The following SETD5 variants were observed in gnomAD, a reference collection of about 807,000 sequenced individuals.
The protein encoded by SETD5 is SET domain containing 5.
In SETD5, 44 loss-of-function variants were observed where a neutral mutation model predicts 153.3. That is an observed-to-expected ratio of 0.29 (90% CI 0.23 to 0.37). The LOEUF is 0.37. Ranked by LOEUF, SETD5 falls within the 10% of genes least tolerant of loss-of-function variation. SETD5 has a pLI of 1.00. For synonymous variants in SETD5, 716 were observed against 645.2 expected, an observed-to-expected ratio of 1.11 and a Z score of -1.66; for missense variants, 1,544 against 1,768.0, an observed-to-expected ratio of 0.87 and a Z score of 2.27.
chr3:9,423,201 G>A (rs1387279878), intron 1 of SETD5: 1 of 152,260 alleles, frequency 6.6e-6, no homozygotes, highest in African/African-American at 2.4e-5. Context: ...AGAAGAGACT[G>A]TCAGAATGAT....
Position 9,468,938 on chromosome 3 carries a change from A to G in SETD5, c.2725-1521A>G, listed in dbSNP as rs142625731. ...TAGGAGCCTTGTTAAAGAAAGGCTA[A>G]TAAATCAGGAAAGTTGAGTCAAAAG... On this transcript the variant is annotated intron_variant, in intron 18 of 22. Coordinates refer to ENST00000402198, the MANE Select transcript of SETD5 (RefSeq NM_001080517.3). 3.8e-3 allele frequency among the ~76,000 whole-genome samples: 577 copies of G among 152,266 alleles called. 8 individuals are homozygous for G. Among genetic ancestry groups the G allele is most frequent in the African/African-American group, 0.013 (548 of 41,552 alleles).
intron 18 of SETD5, chr3:9,468,550 A>T (rs1301052795): frequency 7.7e-7 from 1 of 1,304,108 alleles, no homozygotes. Context: ...TCCCCTGCGC[A>T]TAGGCCCGAG....
Position 9,470,590 on chromosome 3 carries a change from C to G in SETD5, c.2856C>G (p.Pro952=). The G allele has an allele frequency of 6.2e-7, 1 of 1,613,992 alleles. No individual in the cohort carries two copies. Among genetic ancestry groups the G allele is most frequent in the Non-Finnish European group, 8.5e-7 (1 of 1,179,902 alleles). ...TGGCTCCTCATCCCTCCCTCGGACC[C>G]ACTTCTGAGACTGGTTTCCCAAGCA... The part of the protein sequence containing the change: ...SDLAPHPSLG[P]TSETGFPSRS... The change falls in exon 19 of 23, where the codon CCC becomes CCG. Residue 952 remains proline, a synonymous_variant. Coordinates refer to ENST00000402198, the MANE Select transcript of SETD5 (RefSeq NM_001080517.3).
intron 3 of SETD5, chr3:9,433,323 G>T (rs1023232050): frequency 8.2e-7 from 1 of 1,221,886 alleles, no homozygotes; most frequent in South Asian, 1.3e-5. Flanking sequence ...AAGATGAGAG[G>T]TATGATAAAT....
At chr3:9,429,061 G>A in intron 3 of SETD5, 52 bp downstream of exon 3, 1 of 1,278,790 alleles carries the variant, frequency 7.8e-7, no homozygotes, top group Non-Finnish European at 1.1e-6. Context: ...TGTGGAGACA[G>A]CCTTCTTATG....
intron 2 of SETD5, among the ~76,000 whole-genome samples, chr3:9,428,313 T>C: frequency 6.6e-6 from 1 of 152,194 alleles, no homozygotes; most frequent in African/African-American, 2.4e-5. Context: ...AACAGCTGTT[T>C]CCAATCAAGT....
In SETD5 at chr3:9,448,598, C is replaced by T; in HGVS notation, c.2314C>T (p.Leu772=). The change falls in exon 16 of 23, where the codon CTG becomes TTG. Residue 772 remains leucine, a synonymous_variant. Coordinates refer to ENST00000402198, the MANE Select transcript of SETD5 (RefSeq NM_001080517.3). ...CCCTGAGAGACGTCGAAGGCCCCTT[C>T]TGCCTGATGGCACATTCAGCTCCTG... The part of the protein sequence containing the change: ...FIPERRRRPL[L]PDGTFSSCKK... 6.2e-7 allele frequency: 1 copy of T among 1,605,260 alleles called. No individual in the cohort carries two copies. The highest frequency in any genetic ancestry group is 8.5e-7 in the Non-Finnish European group (1 of 1,174,182).
chr3:9,445,404 A>G (rs1177823672), intron 12 of SETD5, 104 bp downstream of exon 12: 8 of 1,234,588 alleles, frequency 6.5e-6, no homozygotes, highest in Non-Finnish European at 9.2e-6. Flanking sequence ...AGTAACACTT[A>G]GTGCCCTTTA....
At position 9,428,922 on chromosome 3, in the gene SETD5, C is replaced by T; in HGVS notation, c.-17C>T. 2 of 1,608,052 alleles carry T rather than the reference C, an allele frequency of 1.2e-6. No homozygotes were observed. The highest frequency in any genetic ancestry group is 2.2e-5 in the South Asian group (2 of 90,374). The stretch of plus-strand genomic sequence containing the variant: ...AATTGGACCCCGTGATTTCCAATCT[C>T]TGCTGTGTTGGACGTCATGAGCATT... On this transcript the variant is annotated 5_prime_UTR_variant, in exon 3 of 23. Coordinates refer to ENST00000402198, the MANE Select transcript of SETD5 (RefSeq NM_001080517.3).
intron 1 of SETD5, among the ~76,000 whole-genome samples, chr3:9,415,141 A>G (rs768121614): frequency 6.6e-6 from 1 of 152,184 alleles, no homozygotes; most frequent in Admixed American, 6.5e-5. Flanking sequence ...TATATTTTGT[A>G]TAAGAAAGCA....
In SETD5 at chr3:9,474,500, G is replaced by C. The variant is rs1268752322; in HGVS notation, c.3549G>C (p.Lys1183Asn). The change falls in exon 21 of 23, where the codon AAG becomes AAC. Residue 1183 changes from lysine to asparagine, a missense_variant. By Grantham distance (94) the Lys-to-Asn change is moderately conservative. Around this residue, in one of 9 missense-constraint regions of SETD5, gnomAD observed 38 missense variants for 71.4 expected, o/e 0.53. Transcript: ENST00000402198. ...TCCGAGAAGGAGGGAGCATCCCCAA[G>C]GTCCTCCGAAGCAGCGTGAGGGTGG... ...ERLREGGSIP[K>N]VLRSSVRVAQ... 1 of 1,613,818 alleles carries C rather than the reference G, an allele frequency of 6.2e-7. No homozygotes were observed. The highest frequency in any genetic ancestry group is 8.5e-7 in the Non-Finnish European group (1 of 1,179,864).
intron 18 of SETD5, among the ~76,000 whole-genome samples, chr3:9,467,199 C>CAAAAAAAAAAA (rs35894304): frequency 1.2e-4 from 5 of 40,872 alleles, no homozygotes; most frequent in Admixed American, 3.0e-4. Context: ...GACTCTCTCT[C>CAAAAAAAAAAA]AAAAAAAAAA....
intron 8 of SETD5, among the ~76,000 whole-genome samples, chr3:9,441,070 G>A (rs992173081): frequency 2.6e-5 from 4 of 151,960 alleles, no homozygotes; most frequent in Admixed American, 6.6e-5. Context: ...ATTAAAAGCC[G>A]TTGTGATGAT....
In SETD5 at chr3:9,448,382, C is replaced by T. The variant is rs759976866; in HGVS notation, c.2104-6C>T. On this transcript the variant is annotated splice_polypyrimidine_tract_variant and splice_region_variant and intron_variant, in intron 15 of 22. Coordinates refer to ENST00000402198, the MANE Select transcript of SETD5 (RefSeq NM_001080517.3). ...TTATAAACTAATGATCTCTTTTTTA[C>T]CTTAGTATCTAGTTACAGAATGGTT... 1.9e-6 allele frequency: 3 copies of T among 1,612,578 alleles called. No homozygotes were observed. The South Asian group carries it at 3.3e-5, about 18-fold the overall frequency.
At chr3:9,460,623 A>G (rs1575550884) in intron 17 of SETD5, among the ~76,000 whole-genome samples, 1 of 152,138 alleles carries the variant, frequency 6.6e-6, no homozygotes, top group South Asian at 2.1e-4. Flanking sequence ...GGAAATAAAC[A>G]TTCAGAAGAT....
chr3:9,434,384 A>G lies in SETD5; in HGVS notation c.228A>G (p.Glu76=). The part of the protein sequence containing the change: ...DLNGLPSPVE[E]RCGDSPNSEG... ...ATGGCCTGCCGTCGCCTGTAGAGGA[A>G]CGCTGTGGAGACAGCCCGAACTCTG... The change falls in exon 5 of 23, where the codon GAA becomes GAG. Residue 76 remains glutamate, a synonymous_variant. Coordinates refer to ENST00000402198, the MANE Select transcript of SETD5 (RefSeq NM_001080517.3). The surrounding 1 kb of genome is among the most constrained non-coding windows in gnomAD (Gnocchi z 5.6). 2 of 1,613,902 alleles carry G rather than the reference A, an allele frequency of 1.2e-6. No individual in the cohort carries two copies. Among genetic ancestry groups the G allele is most frequent in the African/African-American group, 2.7e-5 (2 of 75,006 alleles).
rs1278004622 is a variant in SETD5, at chr3:9,414,437, C to T, written c.-176-10030C>T. 2.0e-5 allele frequency among the ~76,000 whole-genome samples: 3 copies of T among 152,060 alleles called. No homozygotes were observed. In the East Asian group the frequency reaches 5.8e-4, roughly 29 times the overall value. On this transcript the variant is annotated intron_variant, in intron 1 of 22. Coordinates refer to ENST00000402198, the MANE Select transcript of SETD5 (RefSeq NM_001080517.3). The stretch of plus-strand genomic sequence containing the variant: ...AATTCGGGGATGAGTATGAGGCTAT[C>T]ATTGCTTCTACAAGGCAACTTAATG...
At chr3:9,421,004 TCTTA>T (rs1248386558) in intron 1 of SETD5, among the ~76,000 whole-genome samples, 4 of 152,154 alleles carry the variant, frequency 2.6e-5, no homozygotes, top group African/African-American at 9.7e-5. Context: ...TTATTTAAGC[TCTTA>T]CTTGCTACAA....
intron 19 of SETD5, 118 bp from the exon 20 acceptor site, chr3:9,473,118 G>A (rs746321881): frequency 3.1e-5 from 38 of 1,245,288 alleles, no homozygotes; most frequent in Non-Finnish European, 3.8e-5. Context: ...CTTTGTTTGC[G>A]TGGCTTGGCT....
Sources: allele counts gnomAD v4.1 joint callset (sites outside exome capture counted in the v4.1 genomes callset), GRCh38; gene constraint gnomAD v4.1.1; regional missense constraint gnomAD v4.1.1; non-coding constraint Gnocchi (gnomAD v3.1); transcripts MANE v1.5; gene names NCBI Gene and HGNC (gene_info 2026-07-23, HGNC 2026-07-21).